The following SAMTOR variants were observed in gnomAD, a reference collection of about 807,000 sequenced individuals.
The protein encoded by SAMTOR is S-adenosylmethionine sensor upstream of mTORC1.
the SAMTOR span, among the ~76,000 whole-genome samples, chr7:112,863,783 G>A: frequency 0.011 from 1,647 of 152,214 alleles, 31 homozygotes; most frequent in African/African-American, 0.037. Context: ...AAGGTTGTGG[G>A]GAAAAAGGAA....
At chr7:112,930,486 C>T in the SAMTOR span, among the ~76,000 whole-genome samples, 1 of 147,942 alleles carries the variant, frequency 6.8e-6, no homozygotes, top group Non-Finnish European at 1.5e-5. Flanking sequence ...AAAGGTTGGA[C>T]TTTTCATATA....
chr7:112,921,588 T>C, the SAMTOR span, among the ~76,000 whole-genome samples: 22 of 145,956 alleles, frequency 1.5e-4, no homozygotes, highest in African/African-American at 5.4e-4. Flanking sequence ...AAAGCCAAAA[T>C]TGACAAATGG....
the SAMTOR span, chr7:112,832,469 T>C: frequency 5.3e-6 from 4 of 749,494 alleles, no homozygotes; most frequent in Admixed American, 9.1e-5. Context: ...ACACAGGAAA[T>C]ACATTTGCTA....
At chr7:112,931,920 CTTTTTTT>C in the SAMTOR span, among the ~76,000 whole-genome samples, 9 of 142,414 alleles carry the variant, frequency 6.3e-5, no homozygotes, top group African/African-American at 2.3e-4. Flanking sequence ...AAAACTATTA[CTTTTTTT>C]TTTTTTTTCT....
the SAMTOR span, among the ~76,000 whole-genome samples, chr7:112,858,893 T>G: frequency 2.0e-5 from 3 of 152,206 alleles, no homozygotes; most frequent in Non-Finnish European, 4.4e-5. Flanking sequence ...ATGATTAATA[T>G]TATGCATCAA....
chr7:112,939,403 G>T, the SAMTOR span: 1 of 814,556 alleles, frequency 1.2e-6, no homozygotes, highest in Non-Finnish European at 1.9e-6. Context: ...TCAAAGAAAA[G>T]GGGGCGGGGA....
At chr7:112,850,123 C>T in the SAMTOR span, among the ~76,000 whole-genome samples, 2 of 152,240 alleles carry the variant, frequency 1.3e-5, no homozygotes, top group Middle Eastern at 6.8e-3. Flanking sequence ...ATCGCTTGGA[C>T]CCGGGAGGCG....
chr7:112,855,312 T>G, the SAMTOR span, among the ~76,000 whole-genome samples: 1 of 152,216 alleles, frequency 6.6e-6, no homozygotes, highest in Non-Finnish European at 1.5e-5. Flanking sequence ...TATTAGGTTT[T>G]TATTGCTGGG....
At chr7:112,819,641 A>G in the SAMTOR span, 1 of 152,596 alleles carries the variant, frequency 6.6e-6, no homozygotes. Flanking sequence ...AGTAGGTTTT[A>G]TAAAGAGACT....
chr7:112,843,919 G>A, the SAMTOR span, among the ~76,000 whole-genome samples: 5 of 152,052 alleles, frequency 3.3e-5, no homozygotes, highest in Admixed American at 3.3e-4. Flanking sequence ...ACATTGAAAA[G>A]CCAATCCACC....
chr7:112,866,179 A>C, the SAMTOR span, among the ~76,000 whole-genome samples: 1 of 152,190 alleles, frequency 6.6e-6, no homozygotes, highest in African/African-American at 2.4e-5. Context: ...ATGCTTTATG[A>C]ATTATTTTTA....
chr7:112,864,897 G>A, the SAMTOR span, among the ~76,000 whole-genome samples: 2 of 152,266 alleles, frequency 1.3e-5, no homozygotes, highest in Non-Finnish European at 2.9e-5. Flanking sequence ...TAGGACAGAG[G>A]TGCGTAGCAC....
chr7:112,832,688 A>AT, the SAMTOR span: 2 of 1,429,506 alleles, frequency 1.4e-6, no homozygotes. Flanking sequence ...AAAAACAGAT[A>AT]TTTTATAAGA....
chr7:112,938,570 A>T, the SAMTOR span, among the ~76,000 whole-genome samples: 1 of 152,212 alleles, frequency 6.6e-6, no homozygotes, highest in African/African-American at 2.4e-5. Flanking sequence ...TAGGACTAAC[A>T]CCAGAAGGCT....
chr7:112,887,542 G>A, the SAMTOR span, among the ~76,000 whole-genome samples: 1 of 152,124 alleles, frequency 6.6e-6, no homozygotes, highest in African/African-American at 2.4e-5. Flanking sequence ...TTAAATGTCT[G>A]GTATATTTCA....
chr7:112,880,907 A>T, the SAMTOR span, among the ~76,000 whole-genome samples: 1 of 152,288 alleles, frequency 6.6e-6, no homozygotes, highest in Admixed American at 6.5e-5. Flanking sequence ...AGGTGTGGCC[A>T]GAGCTACACA....
the SAMTOR span, among the ~76,000 whole-genome samples, chr7:112,869,606 G>A: frequency 6.7e-6 from 1 of 150,352 alleles, no homozygotes; most frequent in Non-Finnish European, 1.5e-5. Flanking sequence ...TTCAAAAAAA[G>A]CAGCACCAGT....
the SAMTOR span, among the ~76,000 whole-genome samples, chr7:112,890,443 A>G: frequency 6.6e-6 from 1 of 152,076 alleles, no homozygotes; most frequent in Non-Finnish European, 1.5e-5. Flanking sequence ...ATTACTGAGA[A>G]ACACTACTAC....
the SAMTOR span, among the ~76,000 whole-genome samples, chr7:112,922,613 G>A: frequency 1.3e-5 from 2 of 150,938 alleles, no homozygotes; most frequent in Non-Finnish European, 1.5e-5. Flanking sequence ...CCGCCGCCCC[G>A]TCTGGGATGT....
Sources: allele counts gnomAD v4.1 joint callset (sites outside exome capture counted in the v4.1 genomes callset), GRCh38; gene constraint gnomAD v4.1.1; transcripts MANE v1.5; gene names NCBI Gene and HGNC (gene_info 2026-07-23, HGNC 2026-07-21).